POU2F1: variants seen among roughly 807,000 people sequenced by gnomAD.
POU2F1 encodes the protein POU class 2 homeobox 1, also known as POU domain, class 2, transcription factor 1.
A neutral mutation model predicts 84.9 loss-of-function variants in POU2F1; 16 were observed. That is an observed-to-expected ratio of 0.19 (90% CI 0.13 to 0.29). The LOEUF (loss-of-function observed/expected upper bound fraction) is 0.29, where lower values mean the gene tolerates loss of function less well. POU2F1 is among the 10% of genes least tolerant of loss of function. The pLI, the probability that POU2F1 is intolerant of heterozygous loss-of-function variation, is 1.00. For missense variants in POU2F1, 738 were observed against 942.6 expected (o/e 0.78, Z 2.84); for synonymous variants, 368 against 368.3 (o/e 1.00, Z 0.01).
At chr1:167,330,461 A>G (rs1657007552) in intron 1 of POU2F1, among the ~76,000 whole-genome samples, 1 of 152,176 alleles carries the variant, frequency 6.6e-6, no homozygotes, top group African/African-American at 2.4e-5. Context: ...ACTCTTTGAC[A>G]TTTACTTAGT....
intron 2 of POU2F1, among the ~76,000 whole-genome samples, chr1:167,356,662 G>C (rs1433290501): frequency 2.6e-5 from 4 of 152,200 alleles, no homozygotes; most frequent in African/African-American, 4.8e-5. Flanking sequence ...GGCAGCAGAA[G>C]AGACCAAGGC....
intron 13 of POU2F1, among the ~76,000 whole-genome samples, chr1:167,405,770 C>T (rs1482967836): frequency 6.6e-6 from 1 of 152,170 alleles, no homozygotes; most frequent in Non-Finnish European, 1.5e-5. Context: ...CTGCAGAACA[C>T]TTGGTCCAGC....
At chr1:167,414,984 T>A (rs979765003) in intron 15 of POU2F1, among the ~76,000 whole-genome samples, 5 of 152,202 alleles carry the variant, frequency 3.3e-5, no homozygotes, top group African/African-American at 9.7e-5. Flanking sequence ...TGGATGACAC[T>A]GTTTCCACCT....
chr1:167,236,343 C>A lies in POU2F1; in HGVS notation c.61+15385C>A, dbSNP rs1478798948. ...GTGTTGAACTCCTGACCTCATGATCCACCTGCCTTGGCCTCCCAAAGTGCT... is the reference window on the plus strand; with the variant it reads ...GTGTTGAACTCCTGACCTCATGATCAACCTGCCTTGGCCTCCCAAAGTGCT... On this transcript the variant is annotated intron_variant, in intron 1 of 15. Transcript: ENST00000367866. Among the ~76,000 whole-genome samples, 4 of 152,050 alleles carry A rather than the reference C, an allele frequency of 2.6e-5. No individual in the cohort carries two copies. In the East Asian group the frequency reaches 5.8e-4, roughly 22 times the overall value.
intron 7 of POU2F1, chr1:167,379,088 A>C (rs1179959605): frequency 6.7e-6 from 1 of 150,310 alleles, no homozygotes; most frequent in African/African-American, 2.4e-5. Flanking sequence ...TCACCTGGCT[A>C]ATTGAGAAAA....
At chr1:167,247,772 C>G (rs1229791733) in intron 1 of POU2F1, among the ~76,000 whole-genome samples, 1 of 152,118 alleles carries the variant, frequency 6.6e-6, no homozygotes, top group Non-Finnish European at 1.5e-5. Flanking sequence ...ACGTGTTTTA[C>G]ATATGTACCT....
At chr1:167,411,185 G>A (rs542364171) in intron 13 of POU2F1, among the ~76,000 whole-genome samples, 10 of 151,948 alleles carry the variant, frequency 6.6e-5, no homozygotes, top group Non-Finnish European at 8.8e-5. Context: ...AACTACAGGC[G>A]CGTGCCACCA....
intron 2 of POU2F1, among the ~76,000 whole-genome samples, chr1:167,333,863 G>T (rs1372783112): frequency 6.6e-6 from 1 of 152,102 alleles, no homozygotes; most frequent in South Asian, 2.1e-4. Context: ...TGCCAGTGCC[G>T]GTGCTTCAGC....
intron 1 of POU2F1, among the ~76,000 whole-genome samples, chr1:167,241,218 C>G (rs546886927): frequency 5.3e-5 from 8 of 152,280 alleles, no homozygotes; most frequent in African/African-American, 1.4e-4. Flanking sequence ...CTATTTTACA[C>G]ATCTCCCTTT....
At chr1:167,322,944 C>T (rs1486115069) in intron 1 of POU2F1, among the ~76,000 whole-genome samples, 1 of 152,194 alleles carries the variant, frequency 6.6e-6, no homozygotes, top group Non-Finnish European at 1.5e-5. Context: ...TGTTCCTTGC[C>T]GTCATTCCGG....
intron 1 of POU2F1, among the ~76,000 whole-genome samples, chr1:167,286,776 A>G (rs1234049120): frequency 6.6e-6 from 1 of 152,164 alleles, no homozygotes; most frequent in Non-Finnish European, 1.5e-5. Flanking sequence ...GATGGAAATT[A>G]TTGTCTTAAA....
At chr1:167,285,810 A>T (rs1332403816) in intron 1 of POU2F1, among the ~76,000 whole-genome samples, 12 of 152,126 alleles carry the variant, frequency 7.9e-5, no homozygotes, top group Non-Finnish European at 1.8e-4. Flanking sequence ...TTTAGGACAG[A>T]TACTCTTCTC....
chr1:167,280,309 C>T (rs370608307), intron 1 of POU2F1, among the ~76,000 whole-genome samples: 161 of 147,004 alleles, frequency 1.1e-3, no homozygotes, highest in African/African-American at 3.6e-3. Flanking sequence ...GGTGTTTGAG[C>T]TTGATTTTTT....
chr1:167,313,043 C>G (rs1382272724), intron 1 of POU2F1, among the ~76,000 whole-genome samples: 1 of 152,104 alleles, frequency 6.6e-6, no homozygotes, highest in Non-Finnish European at 1.5e-5. Context: ...AGTGATGAAA[C>G]CACCAAATGA....
intron 11 of POU2F1, 28 bp downstream of exon 11, chr1:167,398,161 A>T (rs200548426): frequency 1.1e-5 from 17 of 1,610,778 alleles, no homozygotes; most frequent in South Asian, 2.2e-5. Flanking sequence ...TTTTCTGTAC[A>T]TGGGATTGTC....
intron 11 of POU2F1, among the ~76,000 whole-genome samples, chr1:167,398,879 A>G (rs1448880558): frequency 6.6e-6 from 1 of 152,182 alleles, no homozygotes; most frequent in Non-Finnish European, 1.5e-5. Context: ...AAGCATGGAG[A>G]AAGGTTAAAT....
chr1:167,237,662 C>A (rs1230018189), intron 1 of POU2F1, among the ~76,000 whole-genome samples: 1 of 148,808 alleles, frequency 6.7e-6, no homozygotes. Flanking sequence ...TTTTCTTTCC[C>A]CTTTTGTCCT....
At chr1:167,252,816 G>C (rs1443645836) in intron 1 of POU2F1, among the ~76,000 whole-genome samples, 1 of 152,196 alleles carries the variant, frequency 6.6e-6, no homozygotes, top group African/African-American at 2.4e-5. Flanking sequence ...GGTTAACATG[G>C]ATGACTAGTT....
chr1:167,408,604 A>G (rs1649748975), intron 13 of POU2F1, among the ~76,000 whole-genome samples: 1 of 152,334 alleles, frequency 6.6e-6, no homozygotes, highest in Non-Finnish European at 1.5e-5. Context: ...AAGAAGCCAG[A>G]TGCAAGAGAC....
Sources: allele counts gnomAD v4.1 joint callset (sites outside exome capture counted in the v4.1 genomes callset), GRCh38; gene constraint gnomAD v4.1.1; transcripts MANE v1.5; gene names NCBI Gene and HGNC (gene_info 2026-07-23, HGNC 2026-07-21).